The following ALK variants were observed in gnomAD, a reference collection of about 807,000 sequenced individuals.
The protein encoded by ALK is ALK tyrosine kinase receptor.
A neutral mutation model predicts 163.1 loss-of-function variants in ALK; 74 were observed. The observed-to-expected ratio is 0.45, with a 90% CI of 0.38 to 0.55. The LOEUF is 0.55. Ranked by LOEUF, ALK falls within the 20% of genes least tolerant of loss-of-function variation. The pLI is 0.00. For synonymous variants in ALK, 960 were observed against 843.2 expected, an observed-to-expected ratio of 1.14 and a Z score of -2.40; for missense variants, 2,063 against 2,105.3, an observed-to-expected ratio of 0.98 and a Z score of 0.39.
intron 1 of ALK, among the ~76,000 whole-genome samples, chr2:29,869,029 CAG>C (rs1220440013): frequency 1.3e-5 from 2 of 152,190 alleles, no homozygotes; most frequent in Admixed American, 6.5e-5. Context: ...GACCAGGAGA[CAG>C]AGTTTGAAAC....
chr2:29,661,667 G>A (rs1677352578), intron 3 of ALK, among the ~76,000 whole-genome samples: 1 of 152,102 alleles, frequency 6.6e-6, no homozygotes, highest in Non-Finnish European at 1.5e-5. Flanking sequence ...GTCACTTTCT[G>A]AAGATTATAC....
intron 5 of ALK, among the ~76,000 whole-genome samples, chr2:29,375,800 G>A (rs540707071): frequency 7.4e-4 from 112 of 152,286 alleles, no homozygotes; most frequent in African/African-American, 2.5e-3. Flanking sequence ...TCTGAGAAAG[G>A]AATGTTGGAA....
At chr2:29,197,194 T>C (rs913202487) in intron 27 of ALK, among the ~76,000 whole-genome samples, 14 of 152,124 alleles carry the variant, frequency 9.2e-5, no homozygotes, top group African/African-American at 3.4e-4. Context: ...GCAGGAGACA[T>C]TGCAGGGAAT....
chr2:29,657,162 T>C (rs1677208027), intron 3 of ALK, among the ~76,000 whole-genome samples: 2 of 152,172 alleles, frequency 1.3e-5, no homozygotes, highest in South Asian at 2.1e-4. Context: ...CACAAAAGTC[T>C]TAAAGGAGTA....
intron 13 of ALK, among the ~76,000 whole-genome samples, chr2:29,236,844 G>A (rs111927744): frequency 1.3e-5 from 2 of 152,202 alleles, no homozygotes; most frequent in African/African-American, 2.4e-5. Context: ...TCAAATTTAT[G>A]CTAATTTCTC....
rs1190436754 is a variant in ALK, at chr2:29,193,205, A to C, written c.*19T>G. ...GGTCTTAGGGATCCCAAGGAAGAGAAGTGAGTGTGCGACCGAGCTCAGGGC... is the reference window on the plus strand; with the variant it reads ...GGTCTTAGGGATCCCAAGGAAGAGACGTGAGTGTGCGACCGAGCTCAGGGC... On this transcript the variant is annotated 3_prime_UTR_variant, in exon 29 of 29. Coordinates refer to ENST00000389048, the MANE Select transcript of ALK (RefSeq NM_004304.5). 6.2e-7 allele frequency: 1 copy of C among 1,611,976 alleles called. No individual in the cohort carries two copies. Among genetic ancestry groups the C allele is most frequent in the Admixed American group, 1.7e-5 (1 of 60,014 alleles).
intron 11 of ALK, among the ~76,000 whole-genome samples, chr2:29,272,185 GGAGAGA>G (rs57649688): frequency 4.1e-5 from 6 of 145,154 alleles, no homozygotes; most frequent in Admixed American, 6.9e-5. Context: ...GTCGGGTGAG[GGAGAGA>G]GAGAGAGAGA....
chr2:29,353,289 A>G (rs1169888580), intron 5 of ALK, among the ~76,000 whole-genome samples: 2 of 152,316 alleles, frequency 1.3e-5, no homozygotes, highest in East Asian at 3.9e-4. Context: ...GAAGAGCTTC[A>G]GGTCTGGCTG....
chr2:29,363,892 C>T (rs969821695), intron 5 of ALK, among the ~76,000 whole-genome samples: 3 of 152,166 alleles, frequency 2.0e-5, no homozygotes, highest in African/African-American at 4.8e-5. Context: ...TAGCTGGAAA[C>T]TGAAGTAACA....
chr2:29,673,581 C>T (rs1363014157), intron 3 of ALK, among the ~76,000 whole-genome samples: 36 of 136,838 alleles, frequency 2.6e-4, no homozygotes, highest in Non-Finnish European at 5.0e-4. Flanking sequence ...GTTACTGTAG[C>T]CTTGTAGTAT....
At chr2:29,292,098 T>C (rs905666643) in intron 9 of ALK, among the ~76,000 whole-genome samples, 1 of 152,242 alleles carries the variant, frequency 6.6e-6, no homozygotes, top group African/African-American at 2.4e-5. Context: ...GAACAGGAAA[T>C]CTAAATATCT....
chr2:29,635,978 C>G (rs933309848), intron 3 of ALK, among the ~76,000 whole-genome samples: 1 of 152,018 alleles, frequency 6.6e-6, no homozygotes, highest in East Asian at 1.9e-4. Context: ...TTTGTTACAG[C>G]GGCCACACGA....
intron 3 of ALK, among the ~76,000 whole-genome samples, chr2:29,633,113 T>A (rs1227708517): frequency 6.6e-6 from 1 of 152,162 alleles, no homozygotes; most frequent in East Asian, 1.9e-4. Context: ...CTATGGTTGT[T>A]ATGGAAGCCT....
At chr2:29,276,873 T>G (rs1466575250) in intron 9 of ALK, among the ~76,000 whole-genome samples, 1 of 152,158 alleles carries the variant, frequency 6.6e-6, no homozygotes, top group African/African-American at 2.4e-5. Context: ...AGGCTTTTTT[T>G]GGGGTGATGA....
intron 1 of ALK, among the ~76,000 whole-genome samples, chr2:29,801,488 T>C (rs561097257): frequency 3.3e-5 from 5 of 152,238 alleles, no homozygotes; most frequent in African/African-American, 9.6e-5. Context: ...CCTAGACATA[T>C]AGGTTTTGCC....
intron 4 of ALK, among the ~76,000 whole-genome samples, chr2:29,407,595 A>G (rs185919521): frequency 6.6e-6 from 1 of 152,364 alleles, no homozygotes; most frequent in African/African-American, 2.4e-5. Context: ...CCCACGAGGA[A>G]CCAAGCAAGG....
intron 8 of ALK, among the ~76,000 whole-genome samples, chr2:29,311,512 G>A (rs1375907623): frequency 6.6e-6 from 1 of 152,162 alleles, no homozygotes; most frequent in Non-Finnish European, 1.5e-5. Flanking sequence ...GGTATGTTAA[G>A]GAATAAAATA....
At chr2:29,600,151 C>G (rs1675342621) in intron 3 of ALK, among the ~76,000 whole-genome samples, 1 of 152,130 alleles carries the variant, frequency 6.6e-6, no homozygotes, top group South Asian at 2.1e-4. Context: ...CTAAGACCCC[C>G]CAAGACTGTT....
chr2:29,754,634 G>A (rs1680462055), intron 1 of ALK, among the ~76,000 whole-genome samples: 1 of 151,972 alleles, frequency 6.6e-6, no homozygotes. Context: ...CAGCTGCAGT[G>A]AGCCATGATC....
Sources: gnomAD v4.1 joint callset for allele counts (sites outside exome capture counted in the v4.1 genomes callset) on GRCh38, gnomAD v4.1.1 for gene constraint, MANE v1.5 for transcripts, NCBI Gene and HGNC (gene_info 2026-07-23, HGNC 2026-07-21) for gene names.